Variants in SCARA3 observed in about 807,000 individuals in gnomAD.
SCARA3 encodes scavenger receptor class A member 3, also known as cellular stress response gene protein.
SCARA3 carries 39 observed loss-of-function variants against 47.0 expected under a neutral mutation model. That is an observed-to-expected ratio of 0.83 (90% confidence interval 0.64 to 1.08). The LOEUF (loss-of-function observed/expected upper bound fraction) is 1.08, where lower values mean the gene tolerates loss of function less well. Among genes scored for constraint, SCARA3 ranks in the 50% least tolerant of loss-of-function variants. The pLI is 0.00. For missense variants in SCARA3, 724 were observed against 792.3 expected, an observed-to-expected ratio of 0.91 and a Z score of 1.04; for synonymous variants, 356 against 334.1, an observed-to-expected ratio of 1.07 and a Z score of -0.71.
chr8:27,667,283 C>T lies in SCARA3; in HGVS notation c.1370-3617C>T, dbSNP rs181090357. ...TCTGCCCGCATGACTCATGCCTGGC[C>T]TGGAGGGCAGGTGGTGCCCTGCTCA... On this transcript the variant is annotated intron_variant, in intron 5 of 5. Transcript: ENST00000301904. Among the ~76,000 whole-genome samples, 174 of 152,362 alleles carry T rather than the reference C, an allele frequency of 1.1e-3. 1 individual carries two copies. Among genetic ancestry groups the T allele is most frequent in the East Asian group, 2.7e-3 (14 of 5,184 alleles).
intron 1 of SCARA3, among the ~76,000 whole-genome samples, chr8:27,640,840 A>G (rs1365609242): frequency 6.7e-6 from 1 of 149,470 alleles, no homozygotes; most frequent in East Asian, 2.0e-4. Flanking sequence ...GGGACTACAG[A>G]TGCATGCCAC....
In SCARA3 at chr8:27,671,432, C is replaced by G. The variant is rs1175285992; in HGVS notation, c.*81C>G. The G allele has an allele frequency of 4.5e-6, 6 of 1,336,696 alleles. No individual in the cohort carries two copies. Among genetic ancestry groups the G allele is most frequent in the Non-Finnish European group, 4.8e-6 (5 of 1,049,602 alleles). The allele number at this position is 1,336,696 out of a possible 1,614,324, so 82.8% of individuals were successfully genotyped here. On this transcript the variant is annotated 3_prime_UTR_variant, in exon 6 of 6. Transcript: ENST00000301904. Reference sequence around the variant, plus strand: ...TCCAGGCCCCAGAAAGCCTCACCTACAGACAGCTGTGGTCCTCTGATTCCA... The same window carrying G: ...TCCAGGCCCCAGAAAGCCTCACCTAGAGACAGCTGTGGTCCTCTGATTCCA...
chr8:27,707,149 T>C, the SCARA3 span, among the ~76,000 whole-genome samples: 1 of 152,150 alleles, frequency 6.6e-6, no homozygotes, highest in Non-Finnish European at 1.5e-5. Context: ...GCCCCTTCCT[T>C]TTGTCCTACC....
chr8:27,644,646 GAA>G (rs1491079885), intron 1 of SCARA3, among the ~76,000 whole-genome samples: 2 of 149,442 alleles, frequency 1.3e-5, no homozygotes, highest in African/African-American at 4.9e-5. Flanking sequence ...GAGAGAGAGA[GAA>G]GAGAGACAGA....
At chr8:27,652,813 A>T (rs1801660694) in intron 3 of SCARA3, among the ~76,000 whole-genome samples, 1 of 152,206 alleles carries the variant, frequency 6.6e-6, no homozygotes, top group Non-Finnish European at 1.5e-5. Flanking sequence ...CTTGGAAAGC[A>T]TTTAAAAATA....
At chr8:27,642,351 G>A (rs914800762) in intron 1 of SCARA3, among the ~76,000 whole-genome samples, 2 of 152,142 alleles carry the variant, frequency 1.3e-5, no homozygotes, top group African/African-American at 2.4e-5. Context: ...AAGCATTTAC[G>A]ATGTACCAGG....
Position 27,649,781 on chromosome 8 carries a change from C to T in SCARA3, c.87C>T (p.Thr29=). 7 of 1,614,072 alleles carry T rather than the reference C, an allele frequency of 4.3e-6. No homozygotes were observed. The highest frequency in any genetic ancestry group is 1.1e-5 in the South Asian group (1 of 91,056). The stretch of plus-strand genomic sequence containing the variant: ...CGGGTGACGACGAGGACATGCCGAC[C>T]TTCCCATGCACCCAGAAGGGTAAGG... ...DLAGDDEDMP[T]FPCTQKGRPG... is the part of the protein sequence containing the mutation. The change falls in exon 2 of 6, where the codon ACC becomes ACT. Residue 29 remains threonine (T), a synonymous_variant. Coordinates refer to ENST00000301904, the MANE Select transcript of SCARA3 (RefSeq NM_016240.3).
At chr8:27,730,771 T>C in the SCARA3 span, among the ~76,000 whole-genome samples, 3 of 152,030 alleles carry the variant, frequency 2.0e-5, no homozygotes, top group East Asian at 3.9e-4. Context: ...ATTACAGGCA[T>C]GAGTCCACTG....
the SCARA3 span, chr8:27,701,611 T>C: frequency 1.3e-5 from 2 of 151,516 alleles, no homozygotes; most frequent in African/African-American, 2.4e-5. Flanking sequence ...TCTTTCTTTC[T>C]CTTTTTTTTA....
intron 1 of SCARA3, among the ~76,000 whole-genome samples, chr8:27,637,697 C>T (rs547698347): frequency 6.6e-5 from 10 of 152,050 alleles, no homozygotes; most frequent in African/African-American, 9.6e-5. Context: ...GTTCCTCAGG[C>T]GTGGGAGAAA....
chr8:27,685,410 T>A, the SCARA3 span, among the ~76,000 whole-genome samples: 1 of 152,096 alleles, frequency 6.6e-6, no homozygotes, highest in African/African-American at 2.4e-5. Context: ...CAACACAAAC[T>A]CTTCCTGAGA....
the SCARA3 span, among the ~76,000 whole-genome samples, chr8:27,729,462 C>T: frequency 1.3e-5 from 2 of 152,122 alleles, no homozygotes; most frequent in African/African-American, 4.8e-5. Flanking sequence ...AATGGAGGCC[C>T]AGGGAGGACA....
At chr8:27,661,342 A>G (rs553748531) in intron 5 of SCARA3, among the ~76,000 whole-genome samples, 1 of 152,300 alleles carries the variant, frequency 6.6e-6, no homozygotes, top group African/African-American at 2.4e-5. Context: ...AGTACAACCA[A>G]AAACACACAC....
the SCARA3 span, among the ~76,000 whole-genome samples, chr8:27,684,846 G>A: frequency 6.6e-6 from 1 of 151,956 alleles, no homozygotes; most frequent in African/African-American, 2.4e-5. Flanking sequence ...AGTTCTGATT[G>A]CATCTGTGAA....
At chr8:27,708,993 T>A in the SCARA3 span, among the ~76,000 whole-genome samples, 22 of 152,266 alleles carry the variant, frequency 1.4e-4, no homozygotes, top group Non-Finnish European at 2.5e-4. Context: ...CTGAAACACA[T>A]CTACGTCTAT....
chr8:27,709,673 A>G, the SCARA3 span, among the ~76,000 whole-genome samples: 1 of 152,182 alleles, frequency 6.6e-6, no homozygotes, highest in Non-Finnish European at 1.5e-5. Context: ...GCTTCCCAAG[A>G]TGCCCAGAGA....
In SCARA3 at chr8:27,672,127, G is replaced by A. The variant is rs1672898719; in HGVS notation, c.*776G>A. On this transcript the variant is annotated 3_prime_UTR_variant, in exon 6 of 6. Transcript: ENST00000301904. ...CCATAAGCAGGGGACCAGCATACCC[G>A]GGAGCTGTCCCTGTCTGTCACAGCA... 9 of 985,290 alleles carry A rather than the reference G, an allele frequency of 9.1e-6. No homozygotes were observed. The highest frequency in any genetic ancestry group is 3.5e-5 in the African/African-American group (2 of 57,224). The allele number at this position is 985,290 out of a possible 1,614,324, so 61.0% of individuals were successfully genotyped here. A position where few individuals can be genotyped will look rare whatever the true frequency, so the allele number is the denominator to read the frequency against.
Position 27,659,287 on chromosome 8 carries a change from A to C in SCARA3, c.1117A>C (p.Ser373Arg). ...CAATGCCACCGACAACCACGTGCAC[A>C]GCATGCTCAAGTACCTGGATGACGT... ...NINATDNHVH[S>R]MLKYLDDVRL... Residue 373 changes from serine to arginine, a missense_variant, in exon 5 of 6, where the codon AGC becomes CGC. Coordinates refer to ENST00000301904, the MANE Select transcript of SCARA3 (RefSeq NM_016240.3). 6.2e-7 allele frequency: 1 copy of C among 1,614,082 alleles called. No homozygotes were observed. Among genetic ancestry groups the C allele is most frequent in the Non-Finnish European group, 8.5e-7 (1 of 1,179,996 alleles).
In SCARA3 at chr8:27,634,221, G is replaced by A. The variant is rs1201226963; in HGVS notation, c.7+14G>A. 1.5e-6 allele frequency: 2 copies of A among 1,359,180 alleles called. No individual in the cohort carries two copies. The highest frequency in any genetic ancestry group is 3.0e-5 in the Admixed American group (1 of 33,222). 84.2% of individuals were successfully genotyped at this position (1,359,180 alleles called of 1,614,324 possible). On this transcript the variant is annotated intron_variant, in intron 1 of 5. Coordinates refer to ENST00000301904, the MANE Select transcript of SCARA3 (RefSeq NM_016240.3). ...AGACCATGAAAGGTAAGGGCGGCCT[G>A]TCGGGGGCAGCTCCGAGGGGGGCCG...
Sources: gnomAD v4.1 joint callset for allele counts (sites outside exome capture counted in the v4.1 genomes callset) on GRCh38, gnomAD v4.1.1 for gene constraint, MANE v1.5 for transcripts, NCBI Gene and HGNC (gene_info 2026-07-23, HGNC 2026-07-21) for gene names.